The following CABLES1 variants were observed in gnomAD, a reference collection of about 807,000 sequenced individuals.
CABLES1 encodes the protein CDK5 and ABL1 enzyme substrate 1.
In CABLES1, 36 loss-of-function variants were observed where a neutral mutation model predicts 57.8. The ratio of observed to expected loss-of-function variants is 0.62; its 90% CI spans 0.48 to 0.82. The LOEUF (loss-of-function observed/expected upper bound fraction) is 0.82. CABLES1 is among the 40% of genes least tolerant of loss of function. CABLES1 has a pLI of 0.00. For synonymous variants in CABLES1, 374 were observed against 363.0 expected (o/e 1.03, Z -0.35); for missense variants, 767 against 836.6 (o/e 0.92, Z 1.03).
chr18:23,213,369 GT>G (rs750575363), intron 3 of CABLES1, among the ~76,000 whole-genome samples: 65 of 151,140 alleles, frequency 4.3e-4, no homozygotes, highest in African/African-American at 8.0e-4. Flanking sequence ...TTGTTTTAAT[GT>G]TTTTTTTTAA....
intron 4 of CABLES1, among the ~76,000 whole-genome samples, chr18:23,215,504 C>T (rs982259406): frequency 6.6e-6 from 1 of 152,196 alleles, no homozygotes; most frequent in Admixed American, 6.5e-5. Flanking sequence ...AGCAGGTCCT[C>T]TCTTGGCCAG....
intron 1 of CABLES1, among the ~76,000 whole-genome samples, chr18:23,146,628 C>T (rs2046892915): frequency 6.6e-6 from 1 of 152,116 alleles, no homozygotes; most frequent in Admixed American, 6.5e-5. Context: ...TCCATTTATC[C>T]ATCACAAAAC....
chr18:23,144,996 C>T (rs1467166627), intron 1 of CABLES1, among the ~76,000 whole-genome samples: 1 of 150,404 alleles, frequency 6.6e-6, no homozygotes, highest in African/African-American at 2.5e-5. Flanking sequence ...AGTACAGTGG[C>T]GCAATCTCGG....
intron 1 of CABLES1, among the ~76,000 whole-genome samples, chr18:23,168,073 G>A (rs559563786): frequency 2.6e-5 from 4 of 152,278 alleles, no homozygotes; most frequent in African/African-American, 9.6e-5. Context: ...GGCGATCTGA[G>A]GGCAACTCCA....
chr18:23,140,559 C>T (rs1316481830), intron 1 of CABLES1, among the ~76,000 whole-genome samples: 1 of 151,936 alleles, frequency 6.6e-6, no homozygotes, highest in Admixed American at 6.6e-5. Context: ...GTCTCAGCCT[C>T]CCGAGTAACT....
chr18:23,216,548 A>G (rs45545436), intron 4 of CABLES1, among the ~76,000 whole-genome samples: 1,909 of 152,312 alleles, frequency 0.013, 13 homozygotes, highest in Middle Eastern at 0.024. Flanking sequence ...TTCTGACAGT[A>G]AAAAAGAATC....
chr18:23,148,510 C>T (rs939644299), intron 1 of CABLES1, among the ~76,000 whole-genome samples: 2 of 152,230 alleles, frequency 1.3e-5, no homozygotes, highest in African/African-American at 4.8e-5. Flanking sequence ...ATTGGGTCAG[C>T]AGGGACTTCT....
intron 1 of CABLES1, among the ~76,000 whole-genome samples, chr18:23,151,491 G>T (rs2046930414): frequency 6.6e-6 from 1 of 152,202 alleles, no homozygotes; most frequent in East Asian, 1.9e-4. Context: ...GGTGCGTCTT[G>T]GAGGTAGAGC....
chr18:23,150,600 G>A (rs748070477), intron 1 of CABLES1, among the ~76,000 whole-genome samples: 38 of 152,248 alleles, frequency 2.5e-4, no homozygotes, highest in Non-Finnish European at 4.9e-4. Flanking sequence ...GGGGAGCCCC[G>A]GAGGGGTGGG....
At chr18:23,196,305 C>T (rs2047282005) in intron 3 of CABLES1, among the ~76,000 whole-genome samples, 1 of 152,148 alleles carries the variant, frequency 6.6e-6, no homozygotes, top group Admixed American at 6.5e-5. Context: ...GTGTGGGAAC[C>T]GCAGGCTGTA....
chr18:23,240,359 T>A (rs191995629), intron 7 of CABLES1, among the ~76,000 whole-genome samples: 5 of 151,914 alleles, frequency 3.3e-5, no homozygotes, highest in Non-Finnish European at 7.4e-5. Flanking sequence ...CCCTTCCCCC[T>A]ACACACACAC....
chr18:23,248,100 C>G (rs576459225), intron 7 of CABLES1, among the ~76,000 whole-genome samples: 1 of 152,246 alleles, frequency 6.6e-6, no homozygotes, highest in Non-Finnish European at 1.5e-5. Flanking sequence ...CTGGCGCGCT[C>G]TGCCACCCTT....
intron 1 of CABLES1, among the ~76,000 whole-genome samples, chr18:23,162,887 G>T (rs2047014751): frequency 6.6e-6 from 1 of 152,206 alleles, no homozygotes; most frequent in East Asian, 1.9e-4. Flanking sequence ...TCATCCAAGG[G>T]TTTGTATTTC....
intron 3 of CABLES1, among the ~76,000 whole-genome samples, chr18:23,205,335 A>G (rs149384973): frequency 3.6e-4 from 55 of 152,090 alleles, no homozygotes; most frequent in African/African-American, 1.3e-3. Flanking sequence ...CTGGGATTAT[A>G]GGTGTCTGCC....
chr18:23,225,482 T>C lies in CABLES1; in HGVS notation c.1089-9126T>C, dbSNP rs76783580. ...CACTTTATGGAACGTGAGGAGACCA[T>C]TGTTTTGCTTTGATCTTTCTTGCTA... On this transcript the variant is annotated intron_variant, in intron 4 of 9. Transcript: ENST00000256925. Among the ~76,000 whole-genome samples the C allele has an allele frequency of 6.8e-4, 103 of 152,124 alleles. 2 individuals are homozygous for C. In the East Asian group the frequency reaches 0.018, roughly 27 times the overall value.
At chr18:23,170,392 C>G (rs2047073871) in intron 1 of CABLES1, among the ~76,000 whole-genome samples, 1 of 152,206 alleles carries the variant, frequency 6.6e-6, no homozygotes, top group Non-Finnish European at 1.5e-5. Context: ...GAGTCCCCTT[C>G]CATCCACACC....
At chr18:23,184,051 C>T (rs1426425484) in intron 1 of CABLES1, among the ~76,000 whole-genome samples, 2 of 152,100 alleles carry the variant, frequency 1.3e-5, no homozygotes, top group African/African-American at 2.4e-5. Flanking sequence ...GGAACAGGTC[C>T]TCATCTTTGG....
At chr18:23,222,855 G>C (rs974591790) in intron 4 of CABLES1, among the ~76,000 whole-genome samples, 2 of 152,160 alleles carry the variant, frequency 1.3e-5, no homozygotes, top group South Asian at 2.1e-4. Flanking sequence ...CCCACCCACA[G>C]TGAAAGTCAA....
chr18:23,248,538 T>TTTTTTA (rs1555671608), intron 7 of CABLES1, among the ~76,000 whole-genome samples: 7 of 93,612 alleles, frequency 7.5e-5, no homozygotes, highest in African/African-American at 2.1e-4. Flanking sequence ...TTTTTTTTTT[T>TTTTTTA]AAAAAAAGGC....
Sources: allele counts gnomAD v4.1 joint callset (sites outside exome capture counted in the v4.1 genomes callset), GRCh38; gene constraint gnomAD v4.1.1; transcripts MANE v1.5; gene names NCBI Gene and HGNC (gene_info 2026-07-23, HGNC 2026-07-21).